The following PHYHIPL variants were observed in gnomAD, a reference collection of about 807,000 sequenced individuals.
PHYHIPL encodes phytanoyl-CoA 2-hydroxylase interacting protein like.
PHYHIPL carries 9 observed loss-of-function variants against 33.4 expected under a neutral mutation model. The observed-to-expected ratio is 0.27, with a 90% CI of 0.16 to 0.47. PHYHIPL has a LOEUF of 0.47. Ranked by LOEUF, PHYHIPL falls within the 20% of genes least tolerant of loss-of-function variation. The pLI, the probability that PHYHIPL is intolerant of heterozygous loss-of-function variation, is 0.99. For synonymous variants in PHYHIPL, 153 were observed against 154.1 expected (o/e 0.99, Z 0.05); for missense variants, 365 against 460.7 (o/e 0.79, Z 1.90).
chr10:59,199,004 G>T (rs190235851), intron 1 of PHYHIPL, among the ~76,000 whole-genome samples: 5 of 152,124 alleles, frequency 3.3e-5, no homozygotes, highest in African/African-American at 1.2e-4. Flanking sequence ...CATTCTGTAC[G>T]TTGCCTGTTC....
intron 1 of PHYHIPL, among the ~76,000 whole-genome samples, chr10:59,218,349 C>G (rs2133253187): frequency 6.6e-6 from 1 of 152,258 alleles, no homozygotes; most frequent in East Asian, 1.9e-4. Context: ...TCATTCTCCT[C>G]ATTTATAAGG....
At position 59,229,506 on chromosome 10, in the gene PHYHIPL, T is replaced by C. The variant is rs180940134; in HGVS notation, c.107-4798T>C. Among the ~76,000 whole-genome samples the C allele has an allele frequency of 5.6e-3, 853 of 152,236 alleles. 9 individuals are homozygous for C. The highest frequency in any genetic ancestry group is 0.02 in the African/African-American group (817 of 41,542). On this transcript the variant is annotated intron_variant, in intron 1 of 4. Coordinates refer to ENST00000373880, the MANE Select transcript of PHYHIPL (RefSeq NM_032439.4). ...ATATGGAAGTGTGAGTAATCTCTAC[T>C]ACGGAATAGATAATTTATAGAATAT... is the stretch of plus-strand genomic sequence containing the variant.
At chr10:59,238,545 T>C in intron 3 of PHYHIPL, 43 bp from the exon 4 acceptor site, 2 of 1,117,964 alleles carry the variant, frequency 1.8e-6, no homozygotes, top group Non-Finnish European at 2.7e-6. Context: ...TTGGTACTTT[T>C]GGTGCAATAT....
chr10:59,226,408 C>T (rs938756695), intron 1 of PHYHIPL, among the ~76,000 whole-genome samples: 1 of 152,118 alleles, frequency 6.6e-6, no homozygotes, highest in African/African-American at 2.4e-5. Flanking sequence ...CGGAACAATA[C>T]AAGCAAGAGA....
At position 59,247,401 on chromosome 10, in the gene PHYHIPL, C is replaced by G. The variant is rs1350354140; in HGVS notation, c.*1810C>G. Reference sequence around the variant, plus strand: ...TGGCATGGAGGACACTGAATTTTTTCCCAATTATATGGCTACCTGTTGTAT... The same window carrying G: ...TGGCATGGAGGACACTGAATTTTTTGCCAATTATATGGCTACCTGTTGTAT... On this transcript the variant is annotated 3_prime_UTR_variant, in exon 5 of 5. Transcript: ENST00000373880. 1 of 538,084 alleles carries G rather than the reference C, an allele frequency of 1.9e-6. No homozygotes were observed. The highest frequency in any genetic ancestry group is 3.2e-6 in the Non-Finnish European group (1 of 311,698). 33.3% of individuals were successfully genotyped at this position (538,084 alleles called of 1,614,324 possible). A position where few individuals can be genotyped will look rare whatever the true frequency, so the allele number is the denominator to read the frequency against.
intron 1 of PHYHIPL, chr10:59,206,633 C>A (rs763342246): frequency 2.8e-5 from 7 of 246,838 alleles, no homozygotes; most frequent in Non-Finnish European, 4.3e-5. Context: ...TGTGTTTAGA[C>A]GCAGAAACAT....
At chr10:59,200,297 T>C (rs189273086) in intron 1 of PHYHIPL, among the ~76,000 whole-genome samples, 76 of 152,342 alleles carry the variant, frequency 5.0e-4, no homozygotes, top group African/African-American at 1.8e-3. Flanking sequence ...AGGCCTTTTC[T>C]GCATCTATTG....
At chr10:59,206,857 C>T (rs2133229974) in intron 1 of PHYHIPL, 2 of 1,084,690 alleles carry the variant, frequency 1.8e-6, no homozygotes, top group Non-Finnish European at 2.3e-6. Context: ...AAGTGCACTT[C>T]ATCTCCTGCA....
chr10:59,204,863 GTT>G (rs1230018175), intron 1 of PHYHIPL, among the ~76,000 whole-genome samples: 2,141 of 129,820 alleles, frequency 0.016, 42 homozygotes, highest in African/African-American at 0.054. Context: ...GTCTCATAAA[GTT>G]TTTTTTTTTT....
At chr10:59,205,872 T>C (rs1440954021) in intron 1 of PHYHIPL, among the ~76,000 whole-genome samples, 3 of 152,158 alleles carry the variant, frequency 2.0e-5, no homozygotes, top group Admixed American at 2.0e-4. Context: ...TTTCGTAATA[T>C]AAATTCCTTA....
intron 1 of PHYHIPL, among the ~76,000 whole-genome samples, chr10:59,192,421 G>T (rs1838806132): frequency 6.6e-6 from 1 of 152,060 alleles, no homozygotes; most frequent in Admixed American, 6.6e-5. Flanking sequence ...CCAAGAATTT[G>T]CATTTCTAAC....
intron 1 of PHYHIPL, among the ~76,000 whole-genome samples, chr10:59,209,532 A>G (rs1369724890): frequency 6.6e-6 from 1 of 152,202 alleles, no homozygotes. Flanking sequence ...AACAGGCAAA[A>G]TAACCAGCTA....
intron 1 of PHYHIPL, chr10:59,206,730 A>T (rs1439947814): frequency 1.8e-6 from 2 of 1,100,318 alleles, no homozygotes; most frequent in Non-Finnish European, 1.2e-6. Flanking sequence ...AAAAGCTGTT[A>T]TGCATTTCTT....
chr10:59,230,104 T>G (rs1488075830), intron 1 of PHYHIPL, among the ~76,000 whole-genome samples: 1 of 152,210 alleles, frequency 6.6e-6, no homozygotes, highest in African/African-American at 2.4e-5. Context: ...TTTTGTACAC[T>G]TAAAATGTTT....
chr10:59,203,930 G>A (rs898617355), intron 1 of PHYHIPL, among the ~76,000 whole-genome samples: 3 of 152,040 alleles, frequency 2.0e-5, no homozygotes, highest in African/African-American at 7.2e-5. Flanking sequence ...TTTAAAAAAG[G>A]CCATAGATAA....
intron 1 of PHYHIPL, among the ~76,000 whole-genome samples, chr10:59,229,272 TA>T (rs1258142992): frequency 6.6e-6 from 1 of 152,136 alleles, no homozygotes; most frequent in East Asian, 1.9e-4. Context: ...ATGAAGCTAT[TA>T]AAAGAGAAAT....
chr10:59,236,693 G>A (rs10763600), intron 3 of PHYHIPL, 36 bp downstream of exon 3: 1,496,745 of 1,500,200 alleles, frequency 1, 746,711 homozygotes, highest in East Asian at 1. Flanking sequence ...AAAAGCTTTA[G>A]TTGTTCTGGG....
At position 59,245,396 on chromosome 10, in the gene PHYHIPL, C is replaced by T. The variant is rs1840619565; in HGVS notation, c.936C>T (p.Thr312=). ...ATTCTAAGGATAATAAATTTTTGAC[C>T]TGTACAGAAGAAGATGGGGTGCTGG... ...QLNSKDNKFL[T]CTEEDGVLVY... The change falls in exon 5 of 5, where the codon ACC becomes ACT. Residue 312 remains threonine, a synonymous_variant. Coordinates refer to ENST00000373880, the MANE Select transcript of PHYHIPL (RefSeq NM_032439.4). 3.1e-6 allele frequency: 5 copies of T among 1,613,984 alleles called. No individual in the cohort carries two copies. The highest frequency in any genetic ancestry group is 4.2e-6 in the Non-Finnish European group (5 of 1,180,028).
chr10:59,201,294 T>C (rs896699879), intron 1 of PHYHIPL, among the ~76,000 whole-genome samples: 2 of 152,238 alleles, frequency 1.3e-5, no homozygotes, highest in African/African-American at 2.4e-5. Context: ...CATCTTTATT[T>C]CTGCCTTCAT....
Sources: allele counts gnomAD v4.1 joint callset (sites outside exome capture counted in the v4.1 genomes callset), GRCh38; gene constraint gnomAD v4.1.1; transcripts MANE v1.5; gene names NCBI Gene and HGNC (gene_info 2026-07-23, HGNC 2026-07-21).